PACSIN2: variants seen among roughly 807,000 people sequenced by gnomAD.
The protein encoded by PACSIN2 is protein kinase C and casein kinase substrate in neurons protein 2.
A neutral mutation model predicts 63.8 loss-of-function variants in PACSIN2; 25 were observed. The observed-to-expected ratio is 0.39, with a 90% CI of 0.29 to 0.55. The LOEUF (loss-of-function observed/expected upper bound fraction) is 0.55. PACSIN2 is among the 20% of genes least tolerant of loss of function. PACSIN2 has a pLI of 0.62. For missense variants in PACSIN2, 518 were observed against 646.9 expected (o/e 0.80, Z 2.16); for synonymous variants, 255 against 256.2 (o/e 1.00, Z 0.05).
intron 1 of PACSIN2, among the ~76,000 whole-genome samples, chr22:42,973,080 C>T (rs1474235791): frequency 6.6e-6 from 1 of 152,180 alleles, no homozygotes; most frequent in Non-Finnish European, 1.5e-5. Flanking sequence ...TATCTGCCCA[C>T]ATACTGCAGC....
At chr22:42,937,470 T>C (rs901052835) in intron 1 of PACSIN2, among the ~76,000 whole-genome samples, 1 of 152,072 alleles carries the variant, frequency 6.6e-6, no homozygotes, top group Non-Finnish European at 1.5e-5. Context: ...ATGACCTCTT[T>C]GTTCAACTTC....
At chr22:42,957,202 C>A (rs991790328) in intron 1 of PACSIN2, among the ~76,000 whole-genome samples, 7 of 152,214 alleles carry the variant, frequency 4.6e-5, no homozygotes, top group African/African-American at 1.7e-4. Context: ...ACAGTTCTGA[C>A]ACACTGCATA....
chr22:42,955,764 T>A (rs1447239313), intron 1 of PACSIN2, among the ~76,000 whole-genome samples: 1 of 152,244 alleles, frequency 6.6e-6, no homozygotes, highest in Non-Finnish European at 1.5e-5. Context: ...GAACCTGAGG[T>A]GACCGTCCCT....
chr22:42,997,400 T>G (rs1453284422), intron 1 of PACSIN2, among the ~76,000 whole-genome samples: 1 of 151,644 alleles, frequency 6.6e-6, no homozygotes, highest in Non-Finnish European at 1.5e-5. Flanking sequence ...CTACTAAAAA[T>G]AGAAAAAATT....
chr22:42,988,941 G>A (rs542304907), intron 1 of PACSIN2, among the ~76,000 whole-genome samples: 4 of 151,950 alleles, frequency 2.6e-5, no homozygotes, highest in South Asian at 4.2e-4. Context: ...GTGCAGTGGC[G>A]CAATCATGGC....
At chr22:42,984,351 G>A (rs1922460343) in intron 1 of PACSIN2, among the ~76,000 whole-genome samples, 1 of 149,966 alleles carries the variant, frequency 6.7e-6, no homozygotes, top group African/African-American at 2.4e-5. Context: ...TAAAGACCAG[G>A]AAAAGTTAAT....
intron 1 of PACSIN2, among the ~76,000 whole-genome samples, chr22:42,971,259 T>C (rs1601591690): frequency 6.6e-6 from 1 of 152,268 alleles, no homozygotes; most frequent in East Asian, 1.9e-4. Flanking sequence ...CTGGTTTTTG[T>C]ATTTTTTGGT....
At chr22:42,989,565 G>C (rs952315557) in intron 1 of PACSIN2, among the ~76,000 whole-genome samples, 2 of 151,098 alleles carry the variant, frequency 1.3e-5, no homozygotes, top group African/African-American at 4.9e-5. Context: ...GGGAGGCCGA[G>C]GCGGGTGGAT....
chr22:42,969,043 C>CTCCATCCATCCATCCATCCATCCATCCA (rs60039459), intron 1 of PACSIN2, among the ~76,000 whole-genome samples: 30 of 150,884 alleles, frequency 2.0e-4, no homozygotes, highest in East Asian at 1.2e-3. Flanking sequence ...ATCTATCTAT[C>CTCCATCCATCCATCCATCCATCCATCCA]TCCATCCATC....
At position 42,984,145 on chromosome 22, in the gene PACSIN2, G is replaced by GT. The variant is rs539107528; in HGVS notation, c.-78+30875dup. On this transcript the variant is annotated intron_variant, in intron 1 of 10. Transcript: ENST00000263246. ...ACCACCACATCTGGCTAATTTTTAT[G>GT]TTTTTTTGTAGAGACGGAGTTTCGC... Among the ~76,000 whole-genome samples the GT allele has an allele frequency of 3.5e-3, 537 of 151,656 alleles. 2 individuals are homozygous for GT. Among genetic ancestry groups the GT allele is most frequent in the Admixed American group, 5.9e-3 (90 of 15,240 alleles).
intron 1 of PACSIN2, among the ~76,000 whole-genome samples, chr22:42,963,998 G>C (rs1006258466): frequency 1.3e-5 from 2 of 152,096 alleles, no homozygotes; most frequent in African/African-American, 4.8e-5. Flanking sequence ...TCACAGGTGT[G>C]TGCAACCATC....
rs578211683 is a variant in PACSIN2, at chr22:42,901,003, C to T, written c.61-7390G>A. Among the ~76,000 whole-genome samples, 15 of 152,308 alleles carry T rather than the reference C, an allele frequency of 9.8e-5. No homozygotes were observed. The South Asian group carries it at 3.1e-3, about 32-fold the overall frequency. On this transcript the variant is annotated intron_variant, in intron 2 of 10. Coordinates refer to ENST00000263246, the MANE Select transcript of PACSIN2 (RefSeq NM_001184970.3). ...TTCCAGACTCCATGCAGCACACAGG[C>T]CCTGCTCCTGTCCCCACCATATGCC...
At chr22:42,961,256 C>A (rs1190721890) in intron 1 of PACSIN2, among the ~76,000 whole-genome samples, 1 of 152,214 alleles carries the variant, frequency 6.6e-6, no homozygotes, top group Non-Finnish European at 1.5e-5. Context: ...CCTTATAACA[C>A]AAAACGAAGT....
At chr22:43,008,605 C>G (rs994104938) in intron 1 of PACSIN2, among the ~76,000 whole-genome samples, 5 of 152,082 alleles carry the variant, frequency 3.3e-5, no homozygotes, top group African/African-American at 1.2e-4. Context: ...AATGTGTACT[C>G]TTTCAATAAA....
At chr22:42,920,793 C>CTTTT (rs745822264) in intron 1 of PACSIN2, among the ~76,000 whole-genome samples, 1 of 77,656 alleles carries the variant, frequency 1.3e-5, no homozygotes, top group Non-Finnish European at 2.3e-5. Flanking sequence ...AATTATCACA[C>CTTTT]TTTTTTTTTT....
intron 1 of PACSIN2, among the ~76,000 whole-genome samples, chr22:42,981,753 T>C (rs1185814153): frequency 9.0e-4 from 72 of 79,600 alleles, no homozygotes; most frequent in African/African-American, 2.1e-3. Context: ...GCCCGGCCAG[T>C]CGCCCCGTCC....
intron 7 of PACSIN2, among the ~76,000 whole-genome samples, chr22:42,881,102 T>C (rs1293284725): frequency 6.6e-6 from 1 of 152,174 alleles, no homozygotes; most frequent in Non-Finnish European, 1.5e-5. Flanking sequence ...GAGCAAGTCC[T>C]GGGGCTGGCG....
intron 2 of PACSIN2, among the ~76,000 whole-genome samples, chr22:42,894,326 C>G (rs566413807): frequency 1.4e-4 from 22 of 152,216 alleles, no homozygotes; most frequent in African/African-American, 5.3e-4. Flanking sequence ...CTGCAACCTC[C>G]GCATCCCAGG....
chr22:42,936,855 G>A (rs1429646858), intron 1 of PACSIN2, among the ~76,000 whole-genome samples: 2 of 142,278 alleles, frequency 1.4e-5, no homozygotes, highest in Non-Finnish European at 3.0e-5. Context: ...AGGTTGCAGT[G>A]AGCCGAGATC....
Sources: allele counts gnomAD v4.1 joint callset (sites outside exome capture counted in the v4.1 genomes callset), GRCh38; gene constraint gnomAD v4.1.1; transcripts MANE v1.5; gene names NCBI Gene and HGNC (gene_info 2026-07-23, HGNC 2026-07-21).